TIAM1: variants seen among roughly 807,000 people sequenced by gnomAD.
The protein encoded by TIAM1 is TIAM Rac1 associated GEF 1, also known as rho guanine nucleotide exchange factor TIAM1.
In TIAM1, 65 loss-of-function variants were observed where a neutral mutation model predicts 163.5. The ratio of observed to expected loss-of-function variants is 0.40; its 90% CI spans 0.33 to 0.49. The LOEUF is 0.49. Ranked by LOEUF, TIAM1 falls within the 20% of genes least tolerant of loss-of-function variation. The pLI is 0.77. For missense variants in TIAM1, 1,789 were observed against 2,044.7 expected (o/e 0.87, Z 2.41); for synonymous variants, 833 against 810.1 (o/e 1.03, Z -0.48).
chr21:31,258,808 C>T (rs555047128), intron 4 of TIAM1, among the ~76,000 whole-genome samples: 276 of 71,586 alleles, frequency 3.9e-3, no homozygotes, highest in African/African-American at 0.011. Flanking sequence ...AGTGAGACTC[C>T]GTCTCAAAAA....
chr21:31,293,744 A>G (rs1449389087), intron 2 of TIAM1, among the ~76,000 whole-genome samples: 1 of 152,308 alleles, frequency 6.6e-6, no homozygotes, highest in Non-Finnish European at 1.5e-5. Context: ...CTTCCTTTCC[A>G]TATATTTCAA....
intron 4 of TIAM1, among the ~76,000 whole-genome samples, chr21:31,258,584 C>A (rs1221313736): frequency 2.6e-5 from 4 of 152,150 alleles, no homozygotes; most frequent in Admixed American, 2.0e-4. Context: ...GTAATCCCAG[C>A]ACTTTGGGAG....
At position 31,155,802 on chromosome 21, in the gene TIAM1, C is replaced by T. The variant is rs565292783; in HGVS notation, c.2992-1376G>A. On this transcript the variant is annotated intron_variant, in intron 16 of 27. Transcript: ENST00000541036. Reference sequence around the variant, plus strand: ...AGGCGTGAGCCACCGCGCCCGGCCCCGGAAATTTTCTTGAAGCTAGTGGCT... The same window carrying T: ...AGGCGTGAGCCACCGCGCCCGGCCCTGGAAATTTTCTTGAAGCTAGTGGCT... 2.6e-3 allele frequency among the ~76,000 whole-genome samples: 391 copies of T among 152,264 alleles called. 1 individual carries two copies. Among genetic ancestry groups the T allele is most frequent in the African/African-American group, 8.9e-3 (368 of 41,554 alleles).
intron 1 of TIAM1, among the ~76,000 whole-genome samples, chr21:31,508,196 C>T (rs988341563): frequency 8.5e-5 from 13 of 152,050 alleles, no homozygotes; most frequent in Admixed American, 3.3e-4. Context: ...TCGTGGACTT[C>T]GAGCCTCCTG....
chr21:31,278,299 C>G (rs189088273), intron 2 of TIAM1, among the ~76,000 whole-genome samples: 2 of 152,178 alleles, frequency 1.3e-5, no homozygotes, highest in East Asian at 3.8e-4. Context: ...GGTAAAAGAT[C>G]CAAACTGCAA....
intron 1 of TIAM1, among the ~76,000 whole-genome samples, chr21:31,533,008 G>A (rs1245456124): frequency 6.6e-6 from 1 of 152,126 alleles, no homozygotes; most frequent in Admixed American, 6.6e-5. Context: ...TCTAGGCCAG[G>A]GGAAAACATA....
At chr21:31,352,987 C>T (rs976930353) in intron 2 of TIAM1, among the ~76,000 whole-genome samples, 14 of 152,162 alleles carry the variant, frequency 9.2e-5, no homozygotes, top group Admixed American at 7.2e-4. Context: ...GATCTTCACA[C>T]GCCCAGATAA....
chr21:31,262,052 T>A (rs1267573820), intron 4 of TIAM1, among the ~76,000 whole-genome samples: 2 of 152,144 alleles, frequency 1.3e-5, no homozygotes, highest in African/African-American at 2.4e-5. Flanking sequence ...CAGGTTTCTC[T>A]CTCTCTCCAA....
intron 4 of TIAM1, among the ~76,000 whole-genome samples, chr21:31,260,116 T>G (rs2072371937): frequency 6.7e-6 from 1 of 149,592 alleles, no homozygotes; most frequent in South Asian, 2.1e-4. Context: ...TCCTTTTTTT[T>G]TTTTTTTAGA....
chr21:31,430,239 T>G (rs1285368793), intron 2 of TIAM1, among the ~76,000 whole-genome samples: 2 of 132,744 alleles, frequency 1.5e-5, no homozygotes. Flanking sequence ...TATATATATA[T>G]ATATATATAC....
intron 6 of TIAM1, 85 bp downstream of exon 6, chr21:31,245,403 G>T: frequency 2.1e-6 from 2 of 964,782 alleles, no homozygotes; most frequent in East Asian, 3.0e-5. Flanking sequence ...AAAAAGCAGT[G>T]GAGGGAGACT....
At chr21:31,382,056 A>G (rs770425452) in intron 2 of TIAM1, among the ~76,000 whole-genome samples, 22 of 152,254 alleles carry the variant, frequency 1.4e-4, no homozygotes, top group Admixed American at 9.8e-4. Context: ...ACAAAGACCA[A>G]TAAAGCATTA....
chr21:31,153,663 A>G (rs1239933722), intron 17 of TIAM1, among the ~76,000 whole-genome samples: 1 of 152,130 alleles, frequency 6.6e-6, no homozygotes, highest in Non-Finnish European at 1.5e-5. Flanking sequence ...CATACCCTCA[A>G]CTTTTAAAAA....
intron 2 of TIAM1, among the ~76,000 whole-genome samples, chr21:31,443,263 A>AAGAAATAAT (rs1366380393): frequency 6.6e-6 from 1 of 152,198 alleles, no homozygotes; most frequent in African/African-American, 2.4e-5. Flanking sequence ...AGTAACAGAC[A>AAGAAATAAT]AGAAATAATG....
intron 2 of TIAM1, among the ~76,000 whole-genome samples, chr21:31,418,768 G>T (rs1029438747): frequency 6.6e-6 from 1 of 152,118 alleles, no homozygotes; most frequent in African/African-American, 2.4e-5. Context: ...GAAGAAAGTC[G>T]CCCTGAAAAT....
chr21:31,256,588 TACACACACACACACACACACACAC>T (rs5030999), intron 4 of TIAM1, among the ~76,000 whole-genome samples: 32 of 128,244 alleles, frequency 2.5e-4, no homozygotes, highest in East Asian at 1.4e-3. Flanking sequence ...TACCCCTCAC[TACACACACACACACACACACACAC>T]ACACACACAC....
chr21:31,498,402 C>G (rs2046736448), intron 1 of TIAM1, among the ~76,000 whole-genome samples: 1 of 152,014 alleles, frequency 6.6e-6, no homozygotes, highest in Non-Finnish European at 1.5e-5. Flanking sequence ...GTGAGCTCAT[C>G]TGGCTTTCCA....
chr21:31,147,121 G>T, intron 19 of TIAM1, 118 bp from the exon 20 acceptor site: 1 of 751,222 alleles, frequency 1.3e-6, no homozygotes, highest in Non-Finnish European at 2.3e-6. Flanking sequence ...CATCTTCCGT[G>T]CCTGTCAGAG....
At position 31,118,520 on chromosome 21, in the gene TIAM1, T is replaced by G. The variant is rs1270563098; in HGVS notation, c.*1848A>C. The stretch of plus-strand genomic sequence containing the variant: ...TCTTTCAGCTTATAAAAGAAATATA[T>G]AAGAACTTTTGACATAGACACGTCA... On this transcript the variant is annotated 3_prime_UTR_variant, in exon 28 of 28. Transcript: ENST00000541036. 4.4e-6 allele frequency: 2 copies of G among 457,710 alleles called. No individual in the cohort carries two copies. Among genetic ancestry groups the G allele is most frequent in the Admixed American group, 5.2e-5 (2 of 38,330 alleles). The allele number at this position is 457,710 out of a possible 1,614,324, so 28.4% of individuals were successfully genotyped here. A position where few individuals can be genotyped will look rare whatever the true frequency, so the allele number is the denominator to read the frequency against.
Sources: gnomAD v4.1 joint callset for allele counts (sites outside exome capture counted in the v4.1 genomes callset) on GRCh38, gnomAD v4.1.1 for gene constraint, MANE v1.5 for transcripts, NCBI Gene and HGNC (gene_info 2026-07-23, HGNC 2026-07-21) for gene names.